The following SLC25A48 variants were observed in gnomAD, a reference collection of about 807,000 sequenced individuals.
The protein encoded by SLC25A48 is CTC-321K16.1.
A neutral mutation model predicts 32.2 loss-of-function variants in SLC25A48; 29 were observed. The ratio of observed to expected loss-of-function variants is 0.90; its 90% CI spans 0.67 to 1.23. The LOEUF is 1.23. Ranked by LOEUF, SLC25A48 falls within the 50% of genes most tolerant of loss-of-function variation. SLC25A48 has a pLI of 0.00. For missense variants in SLC25A48, 399 were observed against 422.7 expected (o/e 0.94, Z 0.49); for synonymous variants, 164 against 172.3 (o/e 0.95, Z 0.38).
intron 3 of SLC25A48, among the ~76,000 whole-genome samples, chr5:135,682,569 A>T (rs1019214651): frequency 2.6e-5 from 4 of 152,218 alleles, no homozygotes; most frequent in Non-Finnish European, 4.4e-5. Flanking sequence ...AAGAGAATTA[A>T]CTAATCACCA....
intron 3 of SLC25A48, among the ~76,000 whole-genome samples, chr5:135,772,188 G>A (rs1305763564): frequency 6.6e-6 from 1 of 151,590 alleles, no homozygotes; most frequent in African/African-American, 2.4e-5. Flanking sequence ...TACCCAGGGT[G>A]TGAGAGGATG....
chr5:135,835,231 C>T, intron 1 of SLC25A48: 3 of 548,512 alleles, frequency 5.5e-6, no homozygotes, highest in Non-Finnish European at 7.0e-6. Context: ...ACCTGGTGCA[C>T]ACCTGAATTG....
intron 7 of SLC25A48, among the ~76,000 whole-genome samples, chr5:135,882,542 G>A (rs1181372932): frequency 6.6e-6 from 1 of 152,160 alleles, no homozygotes; most frequent in African/African-American, 2.4e-5. Context: ...TTGTTTCTAA[G>A]AGCCTGCAGG....
At chr5:135,638,795 T>C (rs935465708) in intron 3 of SLC25A48, among the ~76,000 whole-genome samples, 1 of 152,232 alleles carries the variant, frequency 6.6e-6, no homozygotes, top group Non-Finnish European at 1.5e-5. Flanking sequence ...GCATACATCA[T>C]TGTCTTTATA....
chr5:135,842,528 C>A, intron 2 of SLC25A48, 69 bp downstream of exon 2: 2 of 1,449,804 alleles, frequency 1.4e-6, no homozygotes, highest in African/African-American at 1.4e-5. Flanking sequence ...TGGGACTATT[C>A]CTGCTGTTTC....
intron 1 of SLC25A48, among the ~76,000 whole-genome samples, chr5:135,589,410 G>T (rs946488366): frequency 6.6e-6 from 1 of 152,198 alleles, no homozygotes; most frequent in African/African-American, 2.4e-5. Flanking sequence ...CCTGATAGGT[G>T]GCTGGGCTGA....
chr5:135,654,646 T>C (rs1056268644), intron 3 of SLC25A48, among the ~76,000 whole-genome samples: 3 of 152,236 alleles, frequency 2.0e-5, no homozygotes, highest in Admixed American at 6.5e-5. Context: ...TGTGCTACAC[T>C]ACCCAGTTAT....
At position 135,871,585 on chromosome 5, in the gene SLC25A48, T is replaced by A. The variant is rs1237422278; in HGVS notation, c.546T>A (p.Ser182Arg). 2.5e-6 allele frequency: 4 copies of A among 1,614,192 alleles called. No individual in the cohort carries two copies. The highest frequency in any genetic ancestry group is 3.4e-6 in the Non-Finnish European group (4 of 1,180,028). ...EGLAGLYRGASAMLLRDVPGY... is the reference protein window; with the variant it reads ...EGLAGLYRGARAMLLRDVPGY... ...TGGCGGGGCTATACCGGGGGGCCAG[T>A]GCCATGCTGCTGAGGGATGTCCCAG... The change falls in exon 5 of 8, where the codon AGT (serine) becomes AGA (arginine). Residue 182 changes from serine (S) to arginine (R), a missense_variant. By Grantham distance (110) the Ser-to-Arg change is moderately radical (BLOSUM62 -1). Transcript: ENST00000681962.
rs867090702 is a variant in SLC25A48, at chr5:135,751,061, G to A, written c.-520-61462G>A. 2.6e-5 allele frequency among the ~76,000 whole-genome samples: 4 copies of A among 152,288 alleles called. 1 individual carries two copies. In the South Asian group the frequency reaches 8.3e-4, roughly 32 times the overall value. ...AATCCAGCCAATAGCTGCAGATCCA[G>A]CCATCCAGATCCACAGCTGGCTGTA... On this transcript the variant is annotated intron_variant, in intron 3 of 10. Coordinates refer to the SLC25A48 transcript ENST00000646290.
At chr5:135,627,352 A>G (rs550343689) in intron 1 of SLC25A48, among the ~76,000 whole-genome samples, 2 of 152,250 alleles carry the variant, frequency 1.3e-5, no homozygotes, top group South Asian at 4.1e-4. Context: ...CTGTGGTTCT[A>G]TTATCCATGG....
intron 3 of SLC25A48, among the ~76,000 whole-genome samples, chr5:135,661,467 G>A (rs1030457032): frequency 1.3e-5 from 2 of 152,176 alleles, no homozygotes; most frequent in African/African-American, 2.4e-5. Flanking sequence ...CAGCAGCCTT[G>A]GGTAAGGTGA....
At chr5:135,626,375 T>A (rs868281643) in intron 1 of SLC25A48, among the ~76,000 whole-genome samples, 1 of 152,254 alleles carries the variant, frequency 6.6e-6, no homozygotes, top group Non-Finnish European at 1.5e-5. Context: ...CAGAGTCAGT[T>A]GTTTTCAGCA....
At chr5:135,887,479 C>T (rs193226119) in intron 7 of SLC25A48, among the ~76,000 whole-genome samples, 107 of 151,218 alleles carry the variant, frequency 7.1e-4, no homozygotes, top group Non-Finnish European at 1.2e-3. Context: ...TGTACATATA[C>T]ACACACACAC....
At chr5:135,803,423 G>C (rs372927709) in intron 3 of SLC25A48, among the ~76,000 whole-genome samples, 1 of 57,510 alleles carries the variant, frequency 1.7e-5, no homozygotes, top group Non-Finnish European at 5.6e-5. Context: ...ATATCACTGT[G>C]GGTGTACACC....
intron 2 of SLC25A48, among the ~76,000 whole-genome samples, chr5:135,630,694 CAGGTTCA>C (rs1204472271): frequency 6.8e-6 from 1 of 146,714 alleles, no homozygotes; most frequent in African/African-American, 2.5e-5. Context: ...ATTTGCCTCC[CAGGTTCA>C]AGTGATTCTC....
At chr5:135,833,966 G>A (rs777184070), upstream of SLC25A48, among the ~76,000 whole-genome samples, 1 of 152,226 alleles carries the variant, frequency 6.6e-6, no homozygotes, top group Non-Finnish European at 1.5e-5. Flanking sequence ...ACCTTGGGGT[G>A]TCTTGGCTGA....
chr5:135,696,499 GTGAA>G (rs146611202), intron 3 of SLC25A48, among the ~76,000 whole-genome samples: 2,372 of 152,082 alleles, frequency 0.016, 66 homozygotes, highest in African/African-American at 0.054. Flanking sequence ...TGCTGGGTGA[GTGAA>G]TGAATGAATG....
intron 6 of SLC25A48, 62 bp from the exon 7 acceptor site, chr5:135,879,906 C>G (rs1025033264): frequency 6.6e-7 from 1 of 1,519,672 alleles, no homozygotes; most frequent in African/African-American, 1.4e-5. Context: ...CTCTGCCCCT[C>G]CTTGGTGGCC....
intron 3 of SLC25A48, among the ~76,000 whole-genome samples, chr5:135,663,439 T>A (rs1753451378): frequency 1.3e-5 from 2 of 152,200 alleles, no homozygotes; most frequent in African/African-American, 4.8e-5. Context: ...TAAAAATGTC[T>A]GTAGACATTA....
Sources: gnomAD v4.1 joint callset for allele counts (sites outside exome capture counted in the v4.1 genomes callset) on GRCh38, gnomAD v4.1.1 for gene constraint, MANE v1.5 for transcripts, NCBI Gene and HGNC (gene_info 2026-07-23, HGNC 2026-07-21) for gene names.